The following SKAP1 variants were observed in gnomAD, a reference collection of about 807,000 sequenced individuals.
The protein encoded by SKAP1 is src kinase-associated phosphoprotein 1.
SKAP1 carries 44 observed loss-of-function variants against 58.5 expected under a neutral mutation model. That is an observed-to-expected ratio of 0.75 (90% CI 0.59 to 0.97). SKAP1 has a LOEUF of 0.97. SKAP1 is among the 50% of genes least tolerant of loss of function. The pLI, the probability that SKAP1 is intolerant of heterozygous loss-of-function variation, is 0.00. For synonymous variants in SKAP1, 127 were observed against 149.7 expected (o/e 0.85, Z 1.11); for missense variants, 390 against 435.2 (o/e 0.90, Z 0.92).
intron 11 of SKAP1, among the ~76,000 whole-genome samples, chr17:48,145,131 C>A (rs916408032): frequency 3.3e-5 from 5 of 152,120 alleles, no homozygotes; most frequent in African/African-American, 1.2e-4. Flanking sequence ...AAAATAAGCA[C>A]AGTGTATGGT....
intron 4 of SKAP1, among the ~76,000 whole-genome samples, chr17:48,313,994 T>C (rs1340366124): frequency 1.3e-5 from 2 of 152,242 alleles, no homozygotes; most frequent in Admixed American, 6.5e-5. Context: ...CTAAGGTTGA[T>C]GGAAACTTTA....
chr17:48,170,247 G>A (rs1290049558), intron 10 of SKAP1, among the ~76,000 whole-genome samples: 2 of 152,166 alleles, frequency 1.3e-5, no homozygotes, highest in African/African-American at 2.4e-5. Context: ...TCTCAGAGAG[G>A]AGACATTTCC....
At chr17:48,297,225 C>T (rs1159921421) in intron 4 of SKAP1, among the ~76,000 whole-genome samples, 1 of 152,114 alleles carries the variant, frequency 6.6e-6, no homozygotes, top group Non-Finnish European at 1.5e-5. Context: ...CCCTGGTTAA[C>T]ATGGTTATTT....
At chr17:48,244,093 A>G (rs2143836509) in intron 4 of SKAP1, among the ~76,000 whole-genome samples, 1 of 152,366 alleles carries the variant, frequency 6.6e-6, no homozygotes, top group South Asian at 2.1e-4. Flanking sequence ...ATAATGTTAG[A>G]AAATGGTTAG....
chr17:48,139,362 T>C (rs548893109), intron 11 of SKAP1, among the ~76,000 whole-genome samples: 4 of 152,014 alleles, frequency 2.6e-5, no homozygotes, highest in African/African-American at 4.8e-5. Flanking sequence ...TTTGTATTTT[T>C]AGTAGAGACG....
At chr17:48,263,911 C>G (rs189586804) in intron 4 of SKAP1, among the ~76,000 whole-genome samples, 2 of 152,200 alleles carry the variant, frequency 1.3e-5, no homozygotes, top group African/African-American at 4.8e-5. Context: ...TTGCACAGAG[C>G]AAGAAAGGAG....
At chr17:48,283,682 T>C (rs944302217) in intron 4 of SKAP1, among the ~76,000 whole-genome samples, 1 of 152,228 alleles carries the variant, frequency 6.6e-6, no homozygotes, top group Non-Finnish European at 1.5e-5. Flanking sequence ...TCTTCTGAAG[T>C]GAGCGACGGC....
chr17:48,162,712 A>C lies in SKAP1; in HGVS notation c.878-143T>G, dbSNP rs540404204. On this transcript the variant is annotated intron_variant, in intron 10 of 12. Coordinates refer to ENST00000336915, the MANE Select transcript of SKAP1 (RefSeq NM_003726.4). ...AGGGGAGTTGAGATGAGATACAGCC[A>C]AACACTCAGCATGAGCAAAGGACTA... 4 of 591,070 alleles carry C rather than the reference A, an allele frequency of 6.8e-6. No homozygotes were observed. The South Asian group carries it at 8.8e-5, about 13-fold the overall frequency. 36.6% of individuals were successfully genotyped at this position (591,070 alleles called of 1,614,324 possible).
intron 1 of SKAP1, among the ~76,000 whole-genome samples, chr17:48,409,579 G>T (rs1005920701): frequency 2.0e-5 from 3 of 149,296 alleles, no homozygotes; most frequent in African/African-American, 7.4e-5. Context: ...TGAGGTGGAA[G>T]AATTGCTTGA....
rs956075373 is a variant in SKAP1 at position 48,240,345 on chromosome 17, G to T, written c.281-50845C>A. ...GGGAGTGAGCCCCAGGGACCCAAATGTCTCTCTGTAAACAACGGACCTCAG... is the reference window on the plus strand; with the variant it reads ...GGGAGTGAGCCCCAGGGACCCAAATTTCTCTCTGTAAACAACGGACCTCAG... On this transcript the variant is annotated intron_variant, in intron 4 of 12. Coordinates refer to ENST00000336915, the MANE Select transcript of SKAP1 (RefSeq NM_003726.4). 3.9e-5 allele frequency among the ~76,000 whole-genome samples: 6 copies of T among 152,246 alleles called. No individual in the cohort carries two copies. In the East Asian group the frequency reaches 1.2e-3, roughly 29 times the overall value.
At chr17:48,171,561 G>GT (rs1268507160) in intron 9 of SKAP1, among the ~76,000 whole-genome samples, 1 of 152,188 alleles carries the variant, frequency 6.6e-6, no homozygotes, top group Non-Finnish European at 1.5e-5. Context: ...GACTGTCAGA[G>GT]TTCCTGCCCT....
Position 48,158,567 on chromosome 17 carries a change from C to CAAAAAAAAAA in SKAP1, c.978+3892_978+3901dup, listed in dbSNP as rs1171183021. Reference sequence around the variant, plus strand: ...TGGGCCACAGAGCGAGACTCTGTCTCAAAAAAAAAAAAAAAAAGAAAAAAG... The same window carrying CAAAAAAAAAA: ...TGGGCCACAGAGCGAGACTCTGTCTCAAAAAAAAAAAAAAAAAAAAAAAAAAAGAAAAAAG... On this transcript the variant is annotated intron_variant, in intron 11 of 12. Coordinates refer to ENST00000336915, the MANE Select transcript of SKAP1 (RefSeq NM_003726.4). Among the ~76,000 whole-genome samples the CAAAAAAAAAA allele has an allele frequency of 2.8e-4, 17 of 61,430 alleles. 1 individual carries two copies. Among genetic ancestry groups the CAAAAAAAAAA allele is most frequent in the African/African-American group, 7.5e-4 (11 of 14,734 alleles). The allele number at this position is 61,430 out of a possible 152,430, so 40.3% of individuals were successfully genotyped here.
At chr17:48,272,493 T>G (rs2065646046) in intron 4 of SKAP1, among the ~76,000 whole-genome samples, 1 of 152,218 alleles carries the variant, frequency 6.6e-6, no homozygotes, top group African/African-American at 2.4e-5. Flanking sequence ...AAGTCTTCTT[T>G]CTCAGTTCCA....
chr17:48,277,419 AG>A (rs1412868890), intron 4 of SKAP1, among the ~76,000 whole-genome samples: 1 of 152,228 alleles, frequency 6.6e-6, no homozygotes, highest in Non-Finnish European at 1.5e-5. Flanking sequence ...ACATTTAAAA[AG>A]GTCTGATTAC....
intron 4 of SKAP1, among the ~76,000 whole-genome samples, chr17:48,261,723 A>ATTT (rs2065486696): frequency 6.6e-6 from 1 of 152,208 alleles, no homozygotes; most frequent in African/African-American, 2.4e-5. Context: ...TTTGTTACTT[A>ATTT]GGTTTCCCAC....
At chr17:48,265,789 G>A (rs2065540387) in intron 4 of SKAP1, among the ~76,000 whole-genome samples, 1 of 152,134 alleles carries the variant, frequency 6.6e-6, no homozygotes, top group Non-Finnish European at 1.5e-5. Flanking sequence ...TTTGGGAGCT[G>A]TATCTGCCCA....
chr17:48,430,048 T>A, intron 1 of SKAP1, 27 bp downstream of exon 1: 1 of 1,263,350 alleles, frequency 7.9e-7, no homozygotes, highest in Non-Finnish European at 1.0e-6. Flanking sequence ...GGCTCAGCAC[T>A]GGAGGGGGCC....
intron 10 of SKAP1, among the ~76,000 whole-genome samples, chr17:48,166,549 G>A (rs1273013047): frequency 6.6e-6 from 1 of 152,224 alleles, no homozygotes; most frequent in Non-Finnish European, 1.5e-5. Context: ...ATGTTTGGGA[G>A]TCACTGGGTA....
chr17:48,184,905 A>T, intron 6 of SKAP1, 58 bp from the exon 7 acceptor site: 1 of 1,553,704 alleles, frequency 6.4e-7, no homozygotes, highest in Non-Finnish European at 8.8e-7. Flanking sequence ...AAGGGAAGGC[A>T]TCCTCTCTGG....
Sources: allele counts gnomAD v4.1 joint callset (sites outside exome capture counted in the v4.1 genomes callset), GRCh38; gene constraint gnomAD v4.1.1; transcripts MANE v1.5; gene names NCBI Gene and HGNC (gene_info 2026-07-23, HGNC 2026-07-21).